Variants in MLKL observed in about 807,000 individuals in gnomAD.
MLKL encodes the protein mixed lineage kinase domain like pseudokinase, also known as mixed lineage kinase domain-like protein.
A neutral mutation model predicts 56.5 loss-of-function variants in MLKL; 55 were observed. The ratio of observed to expected loss-of-function variants is 0.97; its 90% CI spans 0.78 to 1.22. The LOEUF is 1.22. Ranked by LOEUF, MLKL falls within the 50% of genes most tolerant of loss-of-function variation. The pLI is 0.00. For missense variants in MLKL, 694 were observed against 573.9 expected, an observed-to-expected ratio of 1.21 and a Z score of -2.14; for synonymous variants, 251 against 208.3, an observed-to-expected ratio of 1.20 and a Z score of -1.76.
At chr16:74,693,181 G>A (rs1050610259) in intron 2 of MLKL, among the ~76,000 whole-genome samples, 2 of 152,116 alleles carry the variant, frequency 1.3e-5, no homozygotes, top group African/African-American at 4.8e-5. Context: ...TAGGCCAGGC[G>A]TGGTGGCTCA....
At position 74,691,473 on chromosome 16, in the gene MLKL, C is replaced by A. The variant is rs766292228; in HGVS notation, c.536-10G>T. On this transcript the variant is annotated splice_polypyrimidine_tract_variant and intron_variant, in intron 3 of 10. Coordinates refer to ENST00000308807, the MANE Select transcript of MLKL (RefSeq NM_152649.4). ...CATTTTGGTGGTAAATCTGACCTCA[C>A]CCCCGAGAGGAAAGAAGACAAAAGA... The A allele has an allele frequency of 1.9e-6, 3 of 1,606,268 alleles. No homozygotes were observed. Among genetic ancestry groups the A allele is most frequent in the East Asian group, 2.2e-5 (1 of 44,804 alleles).
intron 6 of MLKL, among the ~76,000 whole-genome samples, chr16:74,681,801 A>T (rs1959989218): frequency 1.3e-5 from 2 of 152,022 alleles, no homozygotes; most frequent in African/African-American, 4.8e-5. Flanking sequence ...CTCAAGAAGA[A>T]AAAAAAAGAA....
intron 2 of MLKL, among the ~76,000 whole-genome samples, chr16:74,693,603 AT>A (rs71376299): frequency 0.035 from 4,696 of 135,760 alleles, 139 homozygotes; most frequent in African/African-American, 0.084. Context: ...GAAATGGTAA[AT>A]TTTTTTTTTT....
intron 1 of MLKL, among the ~76,000 whole-genome samples, chr16:74,699,852 G>A (rs1296902313): frequency 6.6e-6 from 1 of 152,082 alleles, no homozygotes; most frequent in Non-Finnish European, 1.5e-5. Context: ...CTGGTTGGAG[G>A]ATCACTTGAG....
chr16:74,672,608 T>C, intron 10 of MLKL, 70 bp from the exon 11 acceptor site: 1 of 1,404,182 alleles, frequency 7.1e-7, no homozygotes, highest in Non-Finnish European at 1.0e-6. Flanking sequence ...CACAAAGACA[T>C]TTCTACATTG....
chr16:74,675,483 C>G, intron 8 of MLKL, 79 bp from the exon 9 acceptor site: 1 of 1,579,744 alleles, frequency 6.3e-7, no homozygotes, highest in South Asian at 1.1e-5. Flanking sequence ...CCAGAAAACT[C>G]AGTGAATTTT....
In MLKL at chr16:74,697,301, C is replaced by T. The variant is rs574550284; in HGVS notation, c.-2-1542G>A. 2.6e-5 allele frequency among the ~76,000 whole-genome samples: 4 copies of T among 152,216 alleles called. No homozygotes were observed. In the South Asian group the frequency reaches 6.2e-4, roughly 24 times the overall value. On this transcript the variant is annotated intron_variant, in intron 1 of 10. Coordinates refer to ENST00000308807, the MANE Select transcript of MLKL (RefSeq NM_152649.4). Reference sequence around the variant, plus strand: ...AAAGAATCTGAGTCTTTGATGACAACATTGAGCCACTGGTTTGAACTGACA... The same window carrying T: ...AAAGAATCTGAGTCTTTGATGACAATATTGAGCCACTGGTTTGAACTGACA...
chr16:74,682,774 T>G lies in MLKL; in HGVS notation c.833A>C (p.Gln278Pro). The G allele has an allele frequency of 6.2e-7, 1 of 1,614,048 alleles. No individual in the cohort carries two copies. Among genetic ancestry groups the G allele is most frequent in the Non-Finnish European group, 8.5e-7 (1 of 1,180,004 alleles). ...ACAGTACTCCATGACAATGGAGAAT[T>G]GAGGCGGAGTCACTGGTGGAAAGGA... ...ICIDETVTPP[Q>P]FSIVMEYCEL... The change falls in exon 6 of 11, where the codon CAA (glutamine) becomes CCA (proline). Residue 278 changes from glutamine (Q) to proline (P), a missense_variant. Physicochemically the swap from Gln to Pro is moderately conservative, Grantham distance 76 (BLOSUM62 -1). Transcript: ENST00000308807.
rs907256455 is a variant in MLKL at position 74,695,445 on chromosome 16, G to A, written c.313C>T (p.Leu105=). ...GAGAGCTCCTTCCAGACATCACTCA[G>A]CTTCCTGTTCACGTCCTTGAAGAGT... is the stretch of plus-strand genomic sequence containing the variant. ...KILFKDVNRK[L]SDVWKELSLL... Residue 105 remains leucine, a synonymous_variant, in exon 2 of 11, where the codon CTG becomes TTG. Coordinates refer to ENST00000308807, the MANE Select transcript of MLKL (RefSeq NM_152649.4). The A allele has an allele frequency of 6.2e-7, 1 of 1,614,200 alleles. No homozygotes were observed. Among genetic ancestry groups the A allele is most frequent in the Non-Finnish European group, 8.5e-7 (1 of 1,180,036 alleles).
At position 74,682,688 on chromosome 16, in the gene MLKL, T is replaced by A; in HGVS notation, c.919A>T (p.Met307Leu). ...CGGGCTGCCCCCAGGACTAGGACCA[T>A]GCGCTTGCCAAGTGTGAGGTCTTTT... ...REKDLTLGKR[M>L]VLVLGAARGL... The change falls in exon 6 of 11, where the codon ATG becomes TTG. Residue 307 changes from methionine (M) to leucine (L), a missense_variant. Physicochemically the swap from Met to Leu is conservative, Grantham distance 15. Transcript: ENST00000308807. 6.2e-7 allele frequency: 1 copy of A among 1,614,132 alleles called. No individual in the cohort carries two copies. Among genetic ancestry groups the A allele is most frequent in the Non-Finnish European group, 8.5e-7 (1 of 1,180,010 alleles).
At position 74,691,327 on chromosome 16, in the gene MLKL, T is replaced by C; in HGVS notation, c.672A>G (p.Arg224=). 1 of 1,613,060 alleles carries C rather than the reference T, an allele frequency of 6.2e-7. No homozygotes were observed. The highest frequency in any genetic ancestry group is 8.5e-7 in the Non-Finnish European group (1 of 1,179,722). The part of the protein sequence containing the change: ...VSTLYKGEYH[R]APVAIKVFKK... ...TGAATACTTTTATGGCCACTGGAGC[T>C]CTGTGGTATTCTCCTTTATAAAGTG... Residue 224 remains arginine (R), a synonymous_variant, in exon 4 of 11, where the codon AGA becomes AGG. Transcript: ENST00000308807.
At chr16:74,679,219 A>T (rs1019772461) in intron 6 of MLKL, among the ~76,000 whole-genome samples, 22 of 152,212 alleles carry the variant, frequency 1.4e-4, no homozygotes, top group African/African-American at 5.1e-4. Context: ...GCAATCGGGC[A>T]TCAGGGGTGC....
intron 6 of MLKL, 138 bp downstream of exon 6, chr16:74,682,513 A>G (rs1960036595): frequency 8.2e-7 from 1 of 1,213,012 alleles, no homozygotes; most frequent in South Asian, 1.7e-5. Context: ...CCTATCTGTA[A>G]TCAGAGTAAA....
chr16:74,684,580 C>T (rs550258109), intron 5 of MLKL, among the ~76,000 whole-genome samples: 5 of 151,692 alleles, frequency 3.3e-5, no homozygotes, highest in East Asian at 1.9e-4. Context: ...CTGCAAACTC[C>T]GCCTCCCAGG....
chr16:74,681,314 C>A (rs1959951350), intron 6 of MLKL, among the ~76,000 whole-genome samples: 2 of 152,282 alleles, frequency 1.3e-5, no homozygotes, highest in East Asian at 1.9e-4. Flanking sequence ...GCGTGAGCCA[C>A]TGGGCCAGGC....
chr16:74,692,651 G>A, intron 2 of MLKL, among the ~76,000 whole-genome samples: 1 of 152,222 alleles, frequency 6.6e-6, no homozygotes, highest in Admixed American at 6.5e-5. Context: ...AGAGATGTCT[G>A]TCACTTCCCA....
intron 10 of MLKL, among the ~76,000 whole-genome samples, chr16:74,674,634 G>A (rs1959467185): frequency 1.3e-5 from 2 of 151,962 alleles, no homozygotes. Context: ...GTAGAGATGA[G>A]GTTTCACCAT....
At chr16:74,676,043 A>C in intron 7 of MLKL, 1 of 380,942 alleles carries the variant, frequency 2.6e-6, no homozygotes, top group East Asian at 5.6e-5. Flanking sequence ...AAGCACCAGT[A>C]AGACCTGCTA....
chr16:74,685,230 C>A (rs1034074760), intron 5 of MLKL, among the ~76,000 whole-genome samples: 3 of 152,150 alleles, frequency 2.0e-5, no homozygotes, highest in Admixed American at 1.3e-4. Flanking sequence ...CATGCACCCC[C>A]TTATTTCCCA....
Sources: gnomAD v4.1 joint callset for allele counts (sites outside exome capture counted in the v4.1 genomes callset) on GRCh38, gnomAD v4.1.1 for gene constraint, MANE v1.5 for transcripts, NCBI Gene and HGNC (gene_info 2026-07-23, HGNC 2026-07-21) for gene names.